Variants in ATM observed in about 807,000 individuals in gnomAD.
ATM encodes the protein serine-protein kinase ATM.
A neutral mutation model predicts 387.0 loss-of-function variants in ATM; 308 were observed. The ratio of observed to expected loss-of-function variants is 0.80; its 90% confidence interval spans 0.73 to 0.87. The LOEUF is 0.87. ATM is among the 40% of genes least tolerant of loss of function. The pLI is 0.00. For synonymous variants in ATM, 1,156 were observed against 1,187.3 expected, an observed-to-expected ratio of 0.97 and a Z score of 0.54; for missense variants, 3,312 against 3,560.9, an observed-to-expected ratio of 0.93 and a Z score of 1.78.
chr11:108,339,510 G>A lies in ATM; in HGVS notation c.8268+3549G>A, dbSNP rs778905838. Among the ~76,000 whole-genome samples the A allele has an allele frequency of 3.3e-5, 5 of 152,056 alleles. No individual in the cohort carries two copies. The East Asian group carries it at 9.7e-4, about 29-fold the overall frequency. On this transcript the variant is annotated intron_variant, in intron 56 of 62. Coordinates refer to ENST00000675843, the MANE Select transcript of ATM (RefSeq NM_000051.4). ...GTACTTTCAGAGAACTGAGAAAATA[G>A]TCATCAGTCCTTTTTTGTGGTATTC...
chr11:108,226,520 T>C (rs532402398), intron 1 of ATM: 2 of 152,336 alleles, frequency 1.3e-5, no homozygotes, highest in South Asian at 4.1e-4. Context: ...ATTTGCTTCA[T>C]TTCCTTTTAA....
chr11:108,343,845 T>C (rs2087927689), intron 57 of ATM, among the ~76,000 whole-genome samples: 1 of 152,170 alleles, frequency 6.6e-6, no homozygotes, highest in Non-Finnish European at 1.5e-5. Context: ...ATGAAACTGA[T>C]ATAGAAAACC....
rs3092838 is a variant in ATM at position 108,367,797 on chromosome 11, T to C, written c.*2289T>C. 285 of 213,126 alleles carry C rather than the reference T, an allele frequency of 1.3e-3. 1 individual carries two copies. The highest frequency in any genetic ancestry group is 6.2e-3 in the African/African-American group (273 of 44,310). 13.2% of individuals were successfully genotyped at this position (213,126 alleles called of 1,614,324 possible). A position where few individuals can be genotyped will look rare whatever the true frequency, so the allele number is the denominator to read the frequency against. Reference sequence around the variant, plus strand: ...GACTTCTGGAGAACTGTTCAGAATATTACTTTGCATTTCAAATTACAAACT... The same window carrying C: ...GACTTCTGGAGAACTGTTCAGAATACTACTTTGCATTTCAAATTACAAACT... On this transcript the variant is annotated 3_prime_UTR_variant, in exon 63 of 63. Coordinates refer to ENST00000675843, the MANE Select transcript of ATM (RefSeq NM_000051.4).
Position 108,323,955 on chromosome 11 carries a change from T to C in ATM, c.6573-1355T>C, listed in dbSNP as rs1014705870. 9.2e-5 allele frequency among the ~76,000 whole-genome samples: 14 copies of C among 152,306 alleles called. No homozygotes were observed. In the East Asian group the frequency reaches 2.5e-3, roughly 27 times the overall value. ...TTTGCAAAAATGCAAAACAGTGCCA[T>C]GCTCACTAAGTTTTGTTTTGTTTTG... On this transcript the variant is annotated intron_variant, in intron 45 of 62. Transcript: ENST00000675843.
At chr11:108,335,643 G>GAAATTAGAAA (rs2086758318) in intron 55 of ATM, among the ~76,000 whole-genome samples, 1 of 152,146 alleles carries the variant, frequency 6.6e-6, no homozygotes, top group Non-Finnish European at 1.5e-5. Flanking sequence ...GAAGTAGCGA[G>GAAATTAGAAA]GGGAAACTTT....
chr11:108,282,901 G>A (rs1358500429), intron 25 of ATM, 22 bp downstream of exon 25: 1 of 1,428,218 alleles, frequency 7.0e-7, no homozygotes, highest in East Asian at 2.3e-5. Flanking sequence ...CATGACATAT[G>A]TGAAATTTGT....
rs866749094 is a variant in ATM, at chr11:108,310,161, CCTT to C, written c.5769_5771del (p.Ser1924del). ...ACATTATATCTCATTTTTCTTTAGA[CCTT>C]CTTCAGGAACAATTTTTAATGATGC... On this transcript the variant is annotated inframe_deletion and splice_region_variant, in exon 39 of 63. Coordinates refer to ENST00000675843, the MANE Select transcript of ATM (RefSeq NM_000051.4). The C allele has an allele frequency of 2.5e-6, 4 of 1,612,680 alleles. No individual in the cohort carries two copies. Among genetic ancestry groups the C allele is most frequent in the Middle Eastern group, 1.7e-4 (1 of 6,060 alleles).
chr11:108,336,792 T>C (rs941768156), intron 56 of ATM, among the ~76,000 whole-genome samples: 1 of 152,236 alleles, frequency 6.6e-6, no homozygotes, highest in Non-Finnish European at 1.5e-5. Context: ...GCTATTTGCC[T>C]GAGAAGACAA....
At position 108,304,976 on chromosome 11, in the gene ATM, C is replaced by T; in HGVS notation, c.5674+124C>T. 4 of 1,204,032 alleles carry T rather than the reference C, an allele frequency of 3.3e-6. No individual in the cohort carries two copies. In the South Asian group the frequency reaches 4.1e-5, roughly 12 times the overall value. The allele number at this position is 1,204,032 out of a possible 1,614,324, so 74.6% of individuals were successfully genotyped here. On this transcript the variant is annotated intron_variant, in intron 37 of 62. Transcript: ENST00000675843. ...TCTATAACCTCTAAATTTGTTTCTTCATCTATGGAATGGAGATAAAAGTTG... is the reference window on the plus strand; with the variant it reads ...TCTATAACCTCTAAATTTGTTTCTTTATCTATGGAATGGAGATAAAAGTTG...
chr11:108,362,230 A>G (rs2090853922), intron 61 of ATM, among the ~76,000 whole-genome samples: 1 of 148,510 alleles, frequency 6.7e-6, no homozygotes, highest in South Asian at 2.2e-4. Flanking sequence ...AGAGAAATGC[A>G]AATCAAAACC....
chr11:108,309,711 A>G (rs958025222), intron 38 of ATM, among the ~76,000 whole-genome samples: 1 of 152,226 alleles, frequency 6.6e-6, no homozygotes, highest in Non-Finnish European at 1.5e-5. Context: ...TTAAGGAGAA[A>G]ATAAGTCACA....
chr11:108,247,886 G>C (rs2079934908), intron 8 of ATM, among the ~76,000 whole-genome samples: 1 of 152,090 alleles, frequency 6.6e-6, no homozygotes, highest in Non-Finnish European at 1.5e-5. Flanking sequence ...GAGCCACCGT[G>C]CCCAGCCCAG....
rs780905851 is a variant in ATM at position 108,345,889 on chromosome 11, T to A, written c.8565T>A (p.Ser2855Arg). 3.7e-6 allele frequency: 6 copies of A among 1,613,658 alleles called. No individual in the cohort carries two copies. The highest frequency in any genetic ancestry group is 5.1e-6 in the Non-Finnish European group (6 of 1,179,790). ...AGAAGCGATTGGCTTATACGCGCAG[T>A]GTAGCTACTTCTTCTATTGGTAATC... is the stretch of plus-strand genomic sequence containing the variant. ...WFEKRLAYTR[S>R]VATSSIVGYI... is the part of the protein sequence containing the mutation. The change falls in exon 58 of 63, where the codon AGT becomes AGA. Residue 2855 changes from serine to arginine, a missense_variant. Transcript: ENST00000675843.
At chr11:108,292,989 A>G (rs531080026) in intron 30 of ATM, among the ~76,000 whole-genome samples, 196 bp downstream of exon 30, 1 of 152,332 alleles carries the variant, frequency 6.6e-6, no homozygotes, top group East Asian at 1.9e-4. Flanking sequence ...TGATAGTTTT[A>G]TCTACTGTGC....
chr11:108,360,215 C>G (rs1318121328), intron 61 of ATM, among the ~76,000 whole-genome samples: 26 of 150,110 alleles, frequency 1.7e-4, no homozygotes, highest in Middle Eastern at 3.4e-3. Context: ...ATAAATTCCT[C>G]GACACATACA....
chr11:108,334,806 G>A (rs574050507), intron 54 of ATM, among the ~76,000 whole-genome samples, 163 bp from the exon 55 acceptor site: 12 of 152,050 alleles, frequency 7.9e-5, no homozygotes, highest in South Asian at 2.1e-4. Context: ...TTAAAGTTAC[G>A]AGCGTGAGCC....
chr11:108,301,862 T>C (rs902057026), intron 35 of ATM, 73 bp downstream of exon 35: 3 of 1,514,978 alleles, frequency 2.0e-6, no homozygotes, highest in Non-Finnish European at 2.7e-6. Context: ...GGGTCATGAC[T>C]GTTAAATTGC....
chr11:108,282,001 T>G (rs1458862700), intron 24 of ATM, among the ~76,000 whole-genome samples: 1 of 152,214 alleles, frequency 6.6e-6, no homozygotes, highest in Non-Finnish European at 1.5e-5. Context: ...GGTCTCACTC[T>G]GTCACCCAAG....
rs1057521381 is a variant in ATM at position 108,252,038 on chromosome 11, T to G, written c.1802+7T>G. 2 of 1,609,614 alleles carry G rather than the reference T, an allele frequency of 1.2e-6. No homozygotes were observed. Among genetic ancestry groups the G allele is most frequent in the Non-Finnish European group, 1.7e-6 (2 of 1,178,528 alleles). ...TGCCTCCAATTCTTCACAGGTAATT[T>G]AAGTTCATTAGCATGCTGCTGTTTT... On this transcript the variant is annotated splice_region_variant and intron_variant, in intron 11 of 62. Transcript: ENST00000675843.
Sources: gnomAD v4.1 joint callset for allele counts (sites outside exome capture counted in the v4.1 genomes callset) on GRCh38, gnomAD v4.1.1 for gene constraint, MANE v1.5 for transcripts, NCBI Gene and HGNC (gene_info 2026-07-23, HGNC 2026-07-21) for gene names.